ZC3H3: variants seen among roughly 807,000 people sequenced by gnomAD.
ZC3H3 encodes the protein zinc finger CCCH-type containing 3.
In ZC3H3, 36 loss-of-function variants were observed where a neutral mutation model predicts 77.3. That is an observed-to-expected ratio of 0.47 (90% confidence interval 0.36 to 0.61). The LOEUF (loss-of-function observed/expected upper bound fraction) is 0.61, where lower values mean the gene tolerates loss of function less well. Ranked by LOEUF, ZC3H3 falls within the 20% of genes least tolerant of loss-of-function variation. The pLI is 0.00. For synonymous variants in ZC3H3, 626 were observed against 555.2 expected (o/e 1.13, Z -1.79); for missense variants, 1,331 against 1,312.2 (o/e 1.01, Z -0.22).
At chr8:143,467,154 C>T (rs1820431576) in intron 8 of ZC3H3, among the ~76,000 whole-genome samples, 1 of 152,072 alleles carries the variant, frequency 6.6e-6, no homozygotes, top group East Asian at 1.9e-4. Flanking sequence ...TAGACAATTC[C>T]CTTAATGTGG....
rs1309158078 is a variant in ZC3H3 at position 143,460,681 on chromosome 8, G to A, written c.2307+5036C>T. 1.3e-5 allele frequency among the ~76,000 whole-genome samples: 2 copies of A among 152,162 alleles called. No individual in the cohort carries two copies. On this transcript the variant is annotated intron_variant, in intron 9 of 11. Coordinates refer to ENST00000262577, the MANE Select transcript of ZC3H3 (RefSeq NM_015117.3). The surrounding 1 kb of genome is among the most constrained non-coding windows in gnomAD (Gnocchi z 4.0). Reference sequence around the variant, plus strand: ...CACACGAAGGAACTAACAAAACGCAGTGCACACACAACGGAATGTTACTCT... The same window carrying A: ...CACACGAAGGAACTAACAAAACGCAATGCACACACAACGGAATGTTACTCT...
At chr8:143,486,316 C>G (rs1217683004) in intron 4 of ZC3H3, among the ~76,000 whole-genome samples, 4 of 152,246 alleles carry the variant, frequency 2.6e-5, no homozygotes, top group Non-Finnish European at 5.9e-5. Context: ...GCGGCTACGA[C>G]AACAGAAACA....
At position 143,494,536 on chromosome 8, in the gene ZC3H3, G is replaced by C. The variant is rs188638133; in HGVS notation, c.1715+13210C>G. ...CCCACACAAGGCCCGGGCAGGTCAGGGCCTCAGAGCACAGCGGCGCCGGCA... is the reference window on the plus strand; with the variant it reads ...CCCACACAAGGCCCGGGCAGGTCAGCGCCTCAGAGCACAGCGGCGCCGGCA... On this transcript the variant is annotated intron_variant, in intron 4 of 11. Coordinates refer to ENST00000262577, the MANE Select transcript of ZC3H3 (RefSeq NM_015117.3). This position sits in a 1 kb window ranked among gnomAD's most constrained non-coding sequence, Gnocchi z 5.3. Among the ~76,000 whole-genome samples the C allele has an allele frequency of 1.8e-3, 269 of 152,286 alleles. 5 individuals are homozygous for C. The East Asian group carries it at 0.045, about 25-fold the overall frequency.
chr8:143,484,714 A>C, intron 4 of ZC3H3: 1 of 315,182 alleles, frequency 3.2e-6, no homozygotes, highest in Non-Finnish European at 6.3e-6. Flanking sequence ...TCATCGGCCC[A>C]GGACCCACTC....
Position 143,440,001 on chromosome 8 carries a change from A to AGG in ZC3H3, c.2815+38_2815+39dup, listed in dbSNP as rs1270183972. ...GTGCTGCCTACCTGAATCCTTGGTG[A>AGG]GGGGGGCCCTGGGGGCCCGAGCCAG... On this transcript the variant is annotated intron_variant, in intron 11 of 11. Transcript: ENST00000262577. The AGG allele has an allele frequency of 1.5e-5, 21 of 1,439,702 alleles. No homozygotes were observed. The African/African-American group carries it at 3.1e-4, about 21-fold the overall frequency. The allele number at this position is 1,439,702 out of a possible 1,614,324, so 89.2% of individuals were successfully genotyped here. A position where few individuals can be genotyped will look rare whatever the true frequency, so the allele number is the denominator to read the frequency against.
intron 9 of ZC3H3, among the ~76,000 whole-genome samples, chr8:143,446,952 T>C (rs1250377915): frequency 2.0e-5 from 3 of 152,240 alleles, no homozygotes; most frequent in African/African-American, 7.2e-5. Flanking sequence ...CAGGTCACCT[T>C]TTCCCCAAGC....
Position 143,440,194 on chromosome 8 carries a change from G to A in ZC3H3, c.2662C>T (p.His888Tyr), listed in dbSNP as rs768108889. ...SSSSPPASLDHEAPSLQEAAL... is the reference protein window; with the variant it reads ...SSSSPPASLDYEAPSLQEAAL... ...GCCTCCTGGAGAGATGGTGCCTCGT[G>A]GTCCAAGGAAGCGGGAGGGGATGAG... The change falls in exon 11 of 12, where the codon CAC becomes TAC. Residue 888 changes from histidine (H) to tyrosine (Y), a missense_variant. By Grantham distance (83) the His-to-Tyr change is moderately conservative. Around this residue, in one of 3 missense-constraint regions of ZC3H3, gnomAD observed 249 missense variants for 236.9 expected, o/e 1.05. Coordinates refer to ENST00000262577, the MANE Select transcript of ZC3H3 (RefSeq NM_015117.3). 1 of 1,611,560 alleles carries A rather than the reference G, an allele frequency of 6.2e-7. No homozygotes were observed. Among genetic ancestry groups the A allele is most frequent in the South Asian group, 1.1e-5 (1 of 90,638 alleles).
rs1563830082 is a variant in ZC3H3, at chr8:143,440,272, CT to C, written c.2583del (p.Ser864GlnfsTer35). ...AAAVAAPPHC[P>X]GGSASPSSSK... is the part of the protein sequence containing the mutation. ...GAGGATGAGGGAGAGGCTGACCCCCCTGGGCAGTGGGGAGGTGCAGCCACGG... is the reference window on the plus strand; with the variant it reads ...GAGGATGAGGGAGAGGCTGACCCCCCGGGCAGTGGGGAGGTGCAGCCACGG... On this transcript the variant is annotated frameshift_variant, in exon 11 of 12. Coordinates refer to ENST00000262577, the MANE Select transcript of ZC3H3 (RefSeq NM_015117.3). LOFTEE classifies it high-confidence loss of function. 3 of 1,584,814 alleles carry C rather than the reference CT, an allele frequency of 1.9e-6. No individual in the cohort carries two copies. Among genetic ancestry groups the C allele is most frequent in the East Asian group, 2.3e-5 (1 of 43,978 alleles).
At chr8:143,528,184 G>T (rs1822481179) in intron 3 of ZC3H3, among the ~76,000 whole-genome samples, 2 of 152,216 alleles carry the variant, frequency 1.3e-5, no homozygotes, top group Admixed American at 1.3e-4. Context: ...CTCGGGCCCT[G>T]CGTGCTCCTG....
intron 3 of ZC3H3, among the ~76,000 whole-genome samples, chr8:143,532,296 G>T (rs373853777): frequency 6.6e-6 from 1 of 152,274 alleles, no homozygotes; most frequent in Non-Finnish European, 1.5e-5. Flanking sequence ...CCACTGGGCC[G>T]CACGGCAAGG....
At chr8:143,477,606 G>A (rs1043491551) in intron 4 of ZC3H3, among the ~76,000 whole-genome samples, 6 of 152,200 alleles carry the variant, frequency 3.9e-5, no homozygotes, top group Non-Finnish European at 7.4e-5. Flanking sequence ...AGGCAGGCCA[G>A]GCAGGACCTC....
rs1383973620 is a variant in ZC3H3, at chr8:143,533,279, G to A, written c.1561+2978C>T. Among the ~76,000 whole-genome samples the A allele has an allele frequency of 1.3e-5, 2 of 152,166 alleles. No homozygotes were observed. The highest frequency in any genetic ancestry group is 2.9e-5 in the Non-Finnish European group (2 of 68,034). On this transcript the variant is annotated intron_variant, in intron 3 of 11. Coordinates refer to ENST00000262577, the MANE Select transcript of ZC3H3 (RefSeq NM_015117.3). The surrounding 1 kb of genome is among the most constrained non-coding windows in gnomAD (Gnocchi z 4.0). ...CTCCTTGTGCTCCAGAACACAGTAA[G>A]CTCGTTCCCACCTCCACCTCGGCCT...
At chr8:143,457,943 G>A (rs765230803) in intron 9 of ZC3H3, among the ~76,000 whole-genome samples, 19 of 151,952 alleles carry the variant, frequency 1.3e-4, no homozygotes, top group Non-Finnish European at 1.8e-4. Flanking sequence ...AAAAAAAACA[G>A]CAAAATAAAC....
At position 143,536,489 on chromosome 8, in the gene ZC3H3, C is replaced by G. The variant is rs187074342; in HGVS notation, c.1365-36G>C. The G allele has an allele frequency of 4.7e-5, 69 of 1,456,066 alleles. 1 individual carries two copies. The African/African-American group carries it at 7.7e-4, about 16-fold the overall frequency. 90.2% of individuals were successfully genotyped at this position (1,456,066 alleles called of 1,614,324 possible). A position where few individuals can be genotyped will look rare whatever the true frequency, so the allele number is the denominator to read the frequency against. On this transcript the variant is annotated intron_variant, in intron 2 of 11. Transcript: ENST00000262577. ...AAAATACAGGCAGCTCTCAACAAGC[C>G]CTGGGGGTTCTGCCCACCCACCCTT...
rs201331192 is a variant in ZC3H3, at chr8:143,452,632, AAG to A, written c.2308-11514_2308-11513del. ...GAAATAGAAAGTATCAACAGAGAAA[AAG>A]AAGATACAGTAGAACCAAATGAAAA... On this transcript the variant is annotated intron_variant, in intron 9 of 11. Coordinates refer to ENST00000262577, the MANE Select transcript of ZC3H3 (RefSeq NM_015117.3). Among the ~76,000 whole-genome samples, 1,192 of 151,780 alleles carry A rather than the reference AAG, an allele frequency of 7.9e-3. 17 individuals are homozygous for A. Among genetic ancestry groups the A allele is most frequent in the Non-Finnish European group, 8.9e-3 (604 of 67,784 alleles).
intron 9 of ZC3H3, among the ~76,000 whole-genome samples, chr8:143,463,690 G>A (rs1042214021): frequency 6.6e-6 from 1 of 152,246 alleles, no homozygotes. Context: ...TGAGGCAAGG[G>A]AGGAAAACAG....
In ZC3H3 at chr8:143,493,372, G is replaced by A. The variant is rs1821259629; in HGVS notation, c.1715+14374C>T. Among the ~76,000 whole-genome samples, 1 of 152,238 alleles carries A rather than the reference G, an allele frequency of 6.6e-6. No individual in the cohort carries two copies. Among genetic ancestry groups the A allele is most frequent in the South Asian group, 2.1e-4 (1 of 4,836 alleles). On this transcript the variant is annotated intron_variant, in intron 4 of 11. Coordinates refer to ENST00000262577, the MANE Select transcript of ZC3H3 (RefSeq NM_015117.3). This position sits in a 1 kb window ranked among gnomAD's most constrained non-coding sequence, Gnocchi z 4.8. Reference sequence around the variant, plus strand: ...CCCTCAGGGACATCCCAGCCTCGGTGTGGATGCGGGCTAGCTCAGGCCCTG... The same window carrying A: ...CCCTCAGGGACATCCCAGCCTCGGTATGGATGCGGGCTAGCTCAGGCCCTG...
At position 143,447,385 on chromosome 8, in the gene ZC3H3, G is replaced by A. The variant is rs112860645; in HGVS notation, c.2308-6265C>T. On this transcript the variant is annotated intron_variant, in intron 9 of 11. Coordinates refer to ENST00000262577, the MANE Select transcript of ZC3H3 (RefSeq NM_015117.3). ...TATCCACGCTCTCCATCTTTCTCACGCTCCTCTGCATTCCAAAATCAGTGA... is the reference window on the plus strand; with the variant it reads ...TATCCACGCTCTCCATCTTTCTCACACTCCTCTGCATTCCAAAATCAGTGA... Among the ~76,000 whole-genome samples, 1,391 of 152,282 alleles carry A rather than the reference G, an allele frequency of 9.1e-3. 13 individuals are homozygous for A. The highest frequency in any genetic ancestry group is 0.012 in the Non-Finnish European group (849 of 68,028).
At chr8:143,488,571 G>T (rs1357416786) in intron 4 of ZC3H3, among the ~76,000 whole-genome samples, 1 of 152,166 alleles carries the variant, frequency 6.6e-6, no homozygotes, top group Non-Finnish European at 1.5e-5. Context: ...CGAAGTTCAG[G>T]AACAGGCAAA....
Sources: gnomAD v4.1 joint callset for allele counts (sites outside exome capture counted in the v4.1 genomes callset) on GRCh38, gnomAD v4.1.1 for gene constraint, gnomAD v4.1.1 regional missense constraint, Gnocchi (gnomAD v3.1) non-coding constraint, MANE v1.5 for transcripts, NCBI Gene and HGNC (gene_info 2026-07-23, HGNC 2026-07-21) for gene names.